Variants in OXSR1 observed in about 807,000 individuals in gnomAD.
OXSR1 encodes the protein oxidative stress responsive kinase 1.
In OXSR1, 24 loss-of-function variants were observed where a neutral mutation model predicts 79.8. The ratio of observed to expected loss-of-function variants is 0.30; its 90% CI spans 0.22 to 0.42. The LOEUF is 0.42. Ranked by LOEUF, OXSR1 falls within the 10% of genes least tolerant of loss-of-function variation. The probability of loss-of-function intolerance (pLI) is 1.00; values close to 1 mark genes in which losing one functional copy is unlikely to be tolerated. For missense variants in OXSR1, 430 were observed against 618.4 expected (o/e 0.70, Z 3.23); for synonymous variants, 226 against 209.2 (o/e 1.08, Z -0.69).
At chr3:38,219,280 T>G (rs931732624) in intron 5 of OXSR1, among the ~76,000 whole-genome samples, 4 of 152,204 alleles carry the variant, frequency 2.6e-5, no homozygotes. Flanking sequence ...ATTATTAAGT[T>G]CTGGGTTTAA....
At chr3:38,191,909 A>G (rs1436604013) in intron 3 of OXSR1, among the ~76,000 whole-genome samples, 1 of 152,192 alleles carries the variant, frequency 6.6e-6, no homozygotes, top group Non-Finnish European at 1.5e-5. Context: ...TTATAAACTG[A>G]CATCCTTCTA....
upstream of OXSR1, among the ~76,000 whole-genome samples, chr3:38,164,761 T>C: frequency 6.6e-6 from 1 of 152,222 alleles, no homozygotes; most frequent in Non-Finnish European, 1.5e-5. Flanking sequence ...CAGGTGCTTA[T>C]TTGAGCTTCA....
chr3:38,184,881 T>C (rs1008966677), intron 2 of OXSR1, among the ~76,000 whole-genome samples: 2 of 130,680 alleles, frequency 1.5e-5, no homozygotes, highest in Admixed American at 1.6e-4. Flanking sequence ...ATAATCTTAG[T>C]TCAAAAGTAG....
At chr3:38,200,890 A>G (rs1474657197) in intron 4 of OXSR1, among the ~76,000 whole-genome samples, 2 of 152,372 alleles carry the variant, frequency 1.3e-5, no homozygotes, top group Middle Eastern at 3.4e-3. Context: ...TTAGCAGTAC[A>G]TAAGAATGGT....
chr3:38,246,775 C>T lies in OXSR1; in HGVS notation c.1257+554C>T, dbSNP rs183614119. 3.5e-4 allele frequency among the ~76,000 whole-genome samples: 53 copies of T among 152,210 alleles called. No homozygotes were observed. In the South Asian group the frequency reaches 7.0e-3, roughly 20 times the overall value. On this transcript the variant is annotated intron_variant, in intron 13 of 17. Transcript: ENST00000311806. ...AGAGCAGCCAAGTGAATGAAGGCCC[C>T]GTAGTGGGCTGCTACATGCTGTGTA...
At chr3:38,190,575 G>A (rs1701964501) in intron 2 of OXSR1, among the ~76,000 whole-genome samples, 156 bp from the exon 3 acceptor site, 1 of 152,170 alleles carries the variant, frequency 6.6e-6, no homozygotes, top group Non-Finnish European at 1.5e-5. Flanking sequence ...AGACAAAGTG[G>A]TTTTATTGGT....
At chr3:38,229,897 A>C (rs571493776) in intron 9 of OXSR1, among the ~76,000 whole-genome samples, 162 bp downstream of exon 9, 1 of 152,312 alleles carries the variant, frequency 6.6e-6, no homozygotes, top group African/African-American at 2.4e-5. Flanking sequence ...AATTAAGATA[A>C]TTGCTTCAGA....
At chr3:38,251,323 C>A in intron 15 of OXSR1, 80 bp from the exon 16 acceptor site, 1 of 1,173,792 alleles carries the variant, frequency 8.5e-7, no homozygotes. Context: ...GCATGGCACA[C>A]TGACACCCAC....
Position 38,190,825 on chromosome 3 carries a change from A to G in OXSR1, c.278A>G (p.Lys93Arg). Residue 93 changes from lysine to arginine, a missense_variant, in exon 3 of 18, where the codon AAG becomes AGG. Around this residue, in one of 3 missense-constraint regions of OXSR1, gnomAD observed 145 missense variants for 228.3 expected, o/e 0.64. Coordinates refer to ENST00000311806, the MANE Select transcript of OXSR1 (RefSeq NM_005109.3). ...AAAGATGAGCTGTGGCTTGTCATGA[A>G]GCTGCTAAGTGGAGGTGAGTAGAGT... ...VVKDELWLVMKLLSGGSVLDI... is the reference protein window; with the variant it reads ...VVKDELWLVMRLLSGGSVLDI... The G allele has an allele frequency of 6.3e-7, 1 of 1,587,496 alleles. No homozygotes were observed. Among genetic ancestry groups the G allele is most frequent in the Non-Finnish European group, 8.7e-7 (1 of 1,155,982 alleles).
At chr3:38,187,074 T>C (rs1485249352) in intron 2 of OXSR1, among the ~76,000 whole-genome samples, 1 of 152,240 alleles carries the variant, frequency 6.6e-6, no homozygotes, top group Non-Finnish European at 1.5e-5. Context: ...GCAAAGAGAC[T>C]AGTTGGTAGG....
intron 8 of OXSR1, among the ~76,000 whole-genome samples, chr3:38,227,662 T>G (rs1575356273): frequency 1.3e-5 from 2 of 150,456 alleles, no homozygotes; most frequent in East Asian, 3.9e-4. Flanking sequence ...TTCAAAGAAA[T>G]AATGGCTGAG....
intron 12 of OXSR1, among the ~76,000 whole-genome samples, chr3:38,243,003 G>GTTATTTAT (rs34493594): frequency 0.013 from 1,830 of 146,256 alleles, 24 homozygotes; most frequent in Admixed American, 0.039. Flanking sequence ...GAAGTGAAAA[G>GTTATTTAT]TTATTTATTT....
intron 4 of OXSR1, among the ~76,000 whole-genome samples, chr3:38,209,216 A>G (rs1228620225): frequency 1.3e-5 from 2 of 151,306 alleles, no homozygotes; most frequent in African/African-American, 4.9e-5. Flanking sequence ...TTTCAGCCTT[A>G]TTTGGTTATT....
At chr3:38,199,627 A>G (rs769833141) in intron 4 of OXSR1, among the ~76,000 whole-genome samples, 2 of 152,174 alleles carry the variant, frequency 1.3e-5, no homozygotes, top group Non-Finnish European at 2.9e-5. Context: ...GGTTTTGTGT[A>G]TAGGTCCTGG....
chr3:38,179,228 C>G (rs1333397280), intron 1 of OXSR1, among the ~76,000 whole-genome samples: 1 of 152,028 alleles, frequency 6.6e-6, no homozygotes, highest in African/African-American at 2.4e-5. Context: ...CGGAGTCCCA[C>G]TATATTGCCC....
intron 8 of OXSR1, among the ~76,000 whole-genome samples, chr3:38,227,545 CCACACACACACACA>C (rs58097834): frequency 1.1e-3 from 148 of 138,420 alleles, no homozygotes; most frequent in Non-Finnish European, 1.9e-3. Flanking sequence ...GTATGCACAT[CCACACACACACACA>C]CACACACACA....
In OXSR1 at chr3:38,252,683, T is replaced by TC. The variant is rs981511317; in HGVS notation, c.1510-133dup. ...CCCCTCTTTTCTGGAATAAACACCT[T>TC]CGTCAGTCTCCTATTTGTATCCTAG... On this transcript the variant is annotated intron_variant, in intron 17 of 17. Transcript: ENST00000311806. 10 of 691,400 alleles carry TC rather than the reference T, an allele frequency of 1.4e-5. No individual in the cohort carries two copies. The African/African-American group carries it at 1.8e-4, about 12-fold the overall frequency. 42.8% of individuals were successfully genotyped at this position (691,400 alleles called of 1,614,324 possible). A position where few individuals can be genotyped will look rare whatever the true frequency, so the allele number is the denominator to read the frequency against.
intron 1 of OXSR1, among the ~76,000 whole-genome samples, chr3:38,181,919 C>A (rs1701794656): frequency 6.6e-6 from 1 of 151,014 alleles, no homozygotes; most frequent in Non-Finnish European, 1.5e-5. Flanking sequence ...CAGGTTCTTG[C>A]TATGTTTCCC....
chr3:38,182,058 G>C, intron 1 of OXSR1, among the ~76,000 whole-genome samples: 1 of 152,078 alleles, frequency 6.6e-6, no homozygotes, highest in East Asian at 1.9e-4. Flanking sequence ...TCTTTTAATA[G>C]GTAGTTACCC....
Sources: gnomAD v4.1 joint callset for allele counts (sites outside exome capture counted in the v4.1 genomes callset) on GRCh38, gnomAD v4.1.1 for gene constraint, gnomAD v4.1.1 regional missense constraint, MANE v1.5 for transcripts, NCBI Gene and HGNC (gene_info 2026-07-23, HGNC 2026-07-21) for gene names.